The following MXI1 variants were observed in gnomAD, a reference collection of about 807,000 sequenced individuals.
The protein encoded by MXI1 is MAX interactor 1, dimerization protein, also known as max-interacting protein 1.
In MXI1, 18 loss-of-function variants were observed where a neutral mutation model predicts 36.9. The observed-to-expected ratio is 0.49, with a 90% confidence interval of 0.34 to 0.72. The LOEUF (loss-of-function observed/expected upper bound fraction) is 0.72, where lower values mean the gene tolerates loss of function less well. Ranked by LOEUF, MXI1 falls within the 30% of genes least tolerant of loss-of-function variation. MXI1 has a pLI of 0.01. For synonymous variants in MXI1, 160 were observed against 146.7 expected (o/e 1.09, Z -0.65); for missense variants, 304 against 379.1 (o/e 0.80, Z 1.64).
chr10:110,210,265 GC>G (rs1382817801), intron 1 of MXI1: 1 of 984,978 alleles, frequency 1.0e-6, no homozygotes. Context: ...AAATCTGCCA[GC>G]CCCCGAGAGG....
intron 1 of MXI1, among the ~76,000 whole-genome samples, chr10:110,212,842 G>A (rs528412745): frequency 6.6e-6 from 1 of 152,288 alleles, no homozygotes; most frequent in East Asian, 1.9e-4. Flanking sequence ...TCAGTACCAT[G>A]CACTTCTCTA....
chr10:110,208,742 C>CG (rs975219677), intron 1 of MXI1, among the ~76,000 whole-genome samples: 1 of 88,250 alleles, frequency 1.1e-5, no homozygotes, highest in Non-Finnish European at 2.3e-5. Context: ...CCACCGCCGC[C>CG]CCCCCCCCCC....
intron 3 of MXI1, among the ~76,000 whole-genome samples, chr10:110,275,022 G>A (rs1215142301): frequency 6.7e-6 from 1 of 148,434 alleles, no homozygotes; most frequent in Non-Finnish European, 1.5e-5. Context: ...TTACAGGCAC[G>A]GACCACCATG....
At chr10:110,232,723 G>T (rs985293149) in intron 2 of MXI1, among the ~76,000 whole-genome samples, 37 of 152,158 alleles carry the variant, frequency 2.4e-4, no homozygotes, top group African/African-American at 8.2e-4. Context: ...TTTCTTTTTT[G>T]TGCTGAGTAC....
chr10:110,210,620 G>T (rs1361545279), intron 1 of MXI1, among the ~76,000 whole-genome samples: 1 of 152,138 alleles, frequency 6.6e-6, no homozygotes. Context: ...AGCGGTCCAC[G>T]GGGGCCACTT....
At chr10:110,216,676 T>G (rs865782937) in intron 1 of MXI1, among the ~76,000 whole-genome samples, 7 of 93,004 alleles carry the variant, frequency 7.5e-5, no homozygotes, top group Admixed American at 1.1e-4. Flanking sequence ...TTTTTTTTTT[T>G]TTTTTTTTTG....
intron 1 of MXI1, chr10:110,226,262 T>G: frequency 6.7e-7 from 1 of 1,489,556 alleles, no homozygotes; most frequent in Non-Finnish European, 8.9e-7. Context: ...GGCTGCCGAG[T>G]TTTTGGAGCG....
chr10:110,219,446 T>A (rs1449613046), intron 1 of MXI1, among the ~76,000 whole-genome samples: 1 of 152,010 alleles, frequency 6.6e-6, no homozygotes, highest in Non-Finnish European at 1.5e-5. Context: ...CCGTTCGGAG[T>A]GAGTGTGATT....
intron 1 of MXI1, among the ~76,000 whole-genome samples, chr10:110,216,876 G>A (rs559071543): frequency 8.0e-4 from 122 of 151,606 alleles, no homozygotes; most frequent in African/African-American, 2.9e-3. Context: ...CTATATTGTC[G>A]AGGCTGGTCT....
At chr10:110,259,593 A>C (rs1856435802) in intron 3 of MXI1, among the ~76,000 whole-genome samples, 1 of 152,090 alleles carries the variant, frequency 6.6e-6, no homozygotes, top group Non-Finnish European at 1.5e-5. Context: ...TTGGCAATTA[A>C]AGCATGCCAA....
At chr10:110,220,652 G>A (rs1190741749) in intron 1 of MXI1, among the ~76,000 whole-genome samples, 1 of 152,156 alleles carries the variant, frequency 6.6e-6, no homozygotes, top group East Asian at 1.9e-4. Flanking sequence ...AAGAATGTGG[G>A]GCATCCTCTT....
At chr10:110,280,175 T>G (rs763801779) in intron 5 of MXI1, 90 bp downstream of exon 5, 4 of 1,118,594 alleles carry the variant, frequency 3.6e-6, no homozygotes, top group African/African-American at 3.1e-5. Context: ...GTATTTGCTT[T>G]CTTTCTAGCC....
chr10:110,285,115 T>A lies in MXI1; in HGVS notation c.*128T>A. The A allele has an allele frequency of 1.1e-6, 1 of 936,226 alleles. No homozygotes were observed. The highest frequency in any genetic ancestry group is 1.5e-6 in the Non-Finnish European group (1 of 676,940). The allele number at this position is 936,226 out of a possible 1,614,324, so 58.0% of individuals were successfully genotyped here. A position where few individuals can be genotyped will look rare whatever the true frequency, so the allele number is the denominator to read the frequency against. On this transcript the variant is annotated 3_prime_UTR_variant, in exon 6 of 6. Coordinates refer to ENST00000332674, the MANE Select transcript of MXI1 (RefSeq NM_130439.3). ...AAAACAAAACAAAACAAAACTATAC[T>A]TGAACAAAAGGGTCAGAGGACCTGT...
chr10:110,285,009 G>C lies in MXI1; in HGVS notation c.*22G>C. 1 of 1,589,434 alleles carries C rather than the reference G, an allele frequency of 6.3e-7. No homozygotes were observed. The highest frequency in any genetic ancestry group is 8.6e-7 in the Non-Finnish European group (1 of 1,168,924). On this transcript the variant is annotated 3_prime_UTR_variant, in exon 6 of 6. Transcript: ENST00000332674. ...ATAGAACCCAGCATGACATAACAGT[G>C]CAGGGCAAAATATTCACTGGGCCAA...
chr10:110,276,417 T>C (rs1326195923), intron 3 of MXI1, among the ~76,000 whole-genome samples: 3 of 152,236 alleles, frequency 2.0e-5, no homozygotes, highest in African/African-American at 7.2e-5. Context: ...CACTTTTTCA[T>C]AGACAAATTC....
intron 4 of MXI1, among the ~76,000 whole-genome samples, chr10:110,279,659 A>C (rs1857164703): frequency 6.6e-6 from 1 of 152,238 alleles, no homozygotes; most frequent in South Asian, 2.1e-4. Flanking sequence ...TACTTTACAG[A>C]CTTTTAGAAG....
chr10:110,271,446 C>A (rs1235461948), intron 3 of MXI1, among the ~76,000 whole-genome samples: 1 of 152,150 alleles, frequency 6.6e-6, no homozygotes, highest in Admixed American at 6.5e-5. Context: ...GATTCACTCT[C>A]AATTGAAATA....
intron 2 of MXI1, among the ~76,000 whole-genome samples, chr10:110,234,147 A>G (rs1339686159): frequency 1.3e-5 from 2 of 152,208 alleles, no homozygotes; most frequent in Non-Finnish European, 2.9e-5. Context: ...TATATGCATC[A>G]TTGTTATAAT....
chr10:110,279,836 T>G, intron 4 of MXI1, 78 bp from the exon 5 acceptor site: 1 of 1,119,818 alleles, frequency 8.9e-7, no homozygotes, highest in Admixed American at 3.2e-5. Context: ...CATTCATGTT[T>G]TCTCTGCTAA....
Sources: allele counts gnomAD v4.1 joint callset (sites outside exome capture counted in the v4.1 genomes callset), GRCh38; gene constraint gnomAD v4.1.1; transcripts MANE v1.5; gene names NCBI Gene and HGNC (gene_info 2026-07-23, HGNC 2026-07-21).